The following LZTFL1 variants were observed in gnomAD, a reference collection of about 807,000 sequenced individuals.
LZTFL1 encodes the protein leucine zipper transcription factor like 1.
In LZTFL1, 25 loss-of-function variants were observed where a neutral mutation model predicts 45.9. The observed-to-expected ratio is 0.54, with a 90% CI of 0.40 to 0.76. The LOEUF is 0.76. LZTFL1 is among the 30% of genes least tolerant of loss of function. The probability of loss-of-function intolerance (pLI) is 0.00; values close to 1 mark genes in which losing one functional copy is unlikely to be tolerated. For synonymous variants in LZTFL1, 93 were observed against 117.4 expected (o/e 0.79, Z 1.35); for missense variants, 277 against 331.1 (o/e 0.84, Z 1.27).
At chr3:45,880,148 GC>G (rs961287234) in intron 2 of LZTFL1, among the ~76,000 whole-genome samples, 7 of 152,216 alleles carry the variant, frequency 4.6e-5, no homozygotes, top group African/African-American at 1.7e-4. Context: ...TCTGGTGCCT[GC>G]AGAACCAAAG....
chr3:45,877,486 G>T (rs988881423), intron 2 of LZTFL1, among the ~76,000 whole-genome samples: 2 of 151,878 alleles, frequency 1.3e-5, no homozygotes, highest in African/African-American at 2.4e-5. Flanking sequence ...CGCCTGCCTC[G>T]GCCCCCCAAA....
intron 2 of LZTFL1, among the ~76,000 whole-genome samples, chr3:45,876,163 T>A (rs1401481699): frequency 1.3e-5 from 2 of 152,154 alleles, no homozygotes; most frequent in Non-Finnish European, 2.9e-5. Flanking sequence ...GGAATCACAG[T>A]CAAGTGAAGC....
intron 2 of LZTFL1, among the ~76,000 whole-genome samples, chr3:45,898,568 C>T (rs1345034516): frequency 6.6e-6 from 1 of 152,224 alleles, no homozygotes; most frequent in Non-Finnish European, 1.5e-5. Context: ...CCTCTCTTTG[C>T]AATAGGATTT....
chr3:45,882,814 ATTATTAT>A (rs1321420856), intron 2 of LZTFL1, among the ~76,000 whole-genome samples: 1 of 142,664 alleles, frequency 7.0e-6, no homozygotes, highest in Non-Finnish European at 1.5e-5. Flanking sequence ...TATTATTATT[ATTATTAT>A]TATTATTATT....
chr3:45,862,084 T>C (rs1169929070), intron 2 of LZTFL1, among the ~76,000 whole-genome samples: 2 of 152,194 alleles, frequency 1.3e-5, no homozygotes, highest in African/African-American at 2.4e-5. Context: ...ATCAAATGTG[T>C]ATTGAGCACC....
chr3:45,892,668 C>T (rs186998144), intron 2 of LZTFL1, among the ~76,000 whole-genome samples: 73 of 152,132 alleles, frequency 4.8e-4, no homozygotes, highest in African/African-American at 1.6e-3. Flanking sequence ...CCCCATGACG[C>T]GCAATTTACC....
chr3:45,847,640 A>C (rs1038529154), intron 4 of LZTFL1, among the ~76,000 whole-genome samples: 2 of 152,256 alleles, frequency 1.3e-5, no homozygotes, highest in Non-Finnish European at 2.9e-5. Context: ...CTAATCCAGA[A>C]TAAGGGTGCT....
intron 2 of LZTFL1, among the ~76,000 whole-genome samples, chr3:45,871,247 A>G (rs940448553): frequency 1.4e-4 from 22 of 152,338 alleles, no homozygotes; most frequent in African/African-American, 5.3e-4. Context: ...GATACAAGGA[A>G]TGCAAACTTT....
rs574256001 is a variant in LZTFL1 at position 45,911,268 on chromosome 3, A to G, written c.-215+1852T>C. 6.6e-5 allele frequency among the ~76,000 whole-genome samples: 10 copies of G among 152,238 alleles called. No homozygotes were observed. In the South Asian group the frequency reaches 2.1e-3, roughly 32 times the overall value. Reference sequence around the variant, plus strand: ...TATTTTAAAATCACCAAAGGTGGCTACTCTGTAAATTAACTCATCTTTCAA... The same window carrying G: ...TATTTTAAAATCACCAAAGGTGGCTGCTCTGTAAATTAACTCATCTTTCAA... On this transcript the variant is annotated intron_variant, in intron 2 of 4. Coordinates refer to the LZTFL1 transcript ENST00000472635.
rs908118734 is a variant in LZTFL1, at chr3:45,828,553, C to T, written c.663G>A (p.Glu221=). Residue 221 remains glutamate (E), a synonymous_variant, in exon 8 of 10, where the codon GAG becomes GAA. Transcript: ENST00000296135. ...LENTVAALKS[E]FQKTLNDKTE... ...TCTTGTCATTAAGTGTCTTCTGAAA[C>T]TCACTCTTTAAGGCAGCGACAGTGT... 6.2e-7 allele frequency: 1 copy of T among 1,614,190 alleles called. No homozygotes were observed. Among genetic ancestry groups the T allele is most frequent in the Admixed American group, 1.7e-5 (1 of 60,024 alleles).
At chr3:45,840,711 G>A (rs1472375013) in intron 1 of LZTFL1, among the ~76,000 whole-genome samples, 1 of 152,212 alleles carries the variant, frequency 6.6e-6, no homozygotes, top group African/African-American at 2.4e-5. Context: ...CACAAATTGT[G>A]TATGTGTGTT....
chr3:45,902,375 G>T, intron 2 of LZTFL1: 1 of 170,492 alleles, frequency 5.9e-6, no homozygotes, highest in Non-Finnish European at 1.4e-5. Context: ...TCTTGAGCCT[G>T]ATAACCCATG....
intron 5 of LZTFL1, 25 bp downstream of exon 5, chr3:45,833,024 TC>T: frequency 1.3e-6 from 2 of 1,549,048 alleles, no homozygotes; most frequent in Non-Finnish European, 1.8e-6. Context: ...TGAGAGACTT[TC>T]CGTTTCTCAA....
At chr3:45,881,593 A>C (rs1860264) in intron 2 of LZTFL1, among the ~76,000 whole-genome samples, 75,299 of 152,018 alleles carry the variant, frequency 0.5, 22,172 homozygotes, top group African/African-American at 0.82. Flanking sequence ...AAAAATGACT[A>C]CTTTCTCCTC....
upstream of LZTFL1, chr3:45,842,176 C>T: frequency 1.4e-6 from 2 of 1,465,354 alleles, no homozygotes; most frequent in Non-Finnish European, 9.0e-7. Context: ...CATTGGTCCT[C>T]AGGATCACGC....
At chr3:45,828,281 G>A (rs963533202) in intron 8 of LZTFL1, among the ~76,000 whole-genome samples, 158 bp downstream of exon 8, 3 of 152,106 alleles carry the variant, frequency 2.0e-5, no homozygotes, top group African/African-American at 4.8e-5. Flanking sequence ...ATCAGTGCCC[G>A]GAAATGATTA....
At chr3:45,829,608 GAAAAAAAAAAAA>G (rs1206418827) in intron 7 of LZTFL1, among the ~76,000 whole-genome samples, 2 of 58,932 alleles carry the variant, frequency 3.4e-5, no homozygotes, top group African/African-American at 6.0e-5. Context: ...TGTCTCAAAA[GAAAAAAAAAAAA>G]AAAAAAAAAA....
Position 45,882,054 on chromosome 3 carries a change from G to T in LZTFL1, c.-214-23038C>A, listed in dbSNP as rs140537029. Among the ~76,000 whole-genome samples, 713 of 152,334 alleles carry T rather than the reference G, an allele frequency of 4.7e-3. 4 individuals carry two copies. Among genetic ancestry groups the T allele is most frequent in the African/African-American group, 0.016 (656 of 41,570 alleles). ...TATGTGGCCACACACTGGACAGATA[G>T]CTATAGAATATTTCCACATTGCAGA... On this transcript the variant is annotated intron_variant, in intron 2 of 4. Coordinates refer to the LZTFL1 transcript ENST00000472635.
chr3:45,899,060 G>A (rs1262289197), intron 2 of LZTFL1, among the ~76,000 whole-genome samples: 1 of 152,222 alleles, frequency 6.6e-6, no homozygotes, highest in African/African-American at 2.4e-5. Flanking sequence ...CAGCTACTCA[G>A]GAGGCTGAGG....
Sources: allele counts gnomAD v4.1 joint callset (sites outside exome capture counted in the v4.1 genomes callset), GRCh38; gene constraint gnomAD v4.1.1; transcripts MANE v1.5; gene names NCBI Gene and HGNC (gene_info 2026-07-23, HGNC 2026-07-21).